WFDC8: variants seen among roughly 807,000 people sequenced by gnomAD.
The protein encoded by WFDC8 is WAP four-disulfide core domain 8.
WFDC8 carries 24 observed loss-of-function variants against 27.0 expected under a neutral mutation model. The observed-to-expected ratio is 0.89, with a 90% CI of 0.64 to 1.25. The LOEUF (loss-of-function observed/expected upper bound fraction) is 1.25, where lower values mean the gene tolerates loss of function less well. Among genes scored for constraint, WFDC8 ranks in the 50% most tolerant of loss-of-function variants. The pLI is 0.00. For synonymous variants in WFDC8, 106 were observed against 99.7 expected, an observed-to-expected ratio of 1.06 and a Z score of -0.38; for missense variants, 287 against 295.9, an observed-to-expected ratio of 0.97 and a Z score of 0.22.
intron 1 of WFDC8, among the ~76,000 whole-genome samples, chr20:45,569,862 A>C (rs1980811243): frequency 6.6e-6 from 1 of 152,240 alleles, no homozygotes; most frequent in Non-Finnish European, 1.5e-5. Context: ...GCCATGAAAA[A>C]GAATGAGATC....
At chr20:45,572,661 C>T (rs1454336246) in intron 1 of WFDC8, among the ~76,000 whole-genome samples, 1 of 152,166 alleles carries the variant, frequency 6.6e-6, no homozygotes, top group Non-Finnish European at 1.5e-5. Context: ...GGCTGGAGTG[C>T]AGTGGTGTGA....
intron 2 of WFDC8, among the ~76,000 whole-genome samples, chr20:45,561,763 T>C (rs990115444): frequency 1.3e-5 from 2 of 151,910 alleles, no homozygotes; most frequent in African/African-American, 4.8e-5. Flanking sequence ...TGTGTGTGTG[T>C]GTGTGTGTGT....
At chr20:45,561,646 GTCTCT>G (rs1171213806) in intron 2 of WFDC8, among the ~76,000 whole-genome samples, 1 of 151,858 alleles carries the variant, frequency 6.6e-6, no homozygotes, top group Non-Finnish European at 1.5e-5. Context: ...CTCACCCCTT[GTCTCT>G]TCTCAACTAC....
chr20:45,553,675 A>G (rs145488567), intron 4 of WFDC8, among the ~76,000 whole-genome samples: 1 of 152,308 alleles, frequency 6.6e-6, no homozygotes, highest in African/African-American at 2.4e-5. Flanking sequence ...TGAAAGGGTC[A>G]TTGTGACTAT....
At chr20:45,559,590 A>G (rs1980391749) in intron 2 of WFDC8, among the ~76,000 whole-genome samples, 1 of 152,236 alleles carries the variant, frequency 6.6e-6, no homozygotes, top group South Asian at 2.1e-4. Context: ...TATATTTTCC[A>G]TCTTTAAAAT....
chr20:45,577,572 G>T (rs1981087779), intron 1 of WFDC8, among the ~76,000 whole-genome samples: 1 of 149,478 alleles, frequency 6.7e-6, no homozygotes, highest in Non-Finnish European at 1.5e-5. Flanking sequence ...CTAATTTTTT[G>T]TATTTTTAGT....
chr20:45,560,853 A>C (rs529094386), intron 2 of WFDC8, among the ~76,000 whole-genome samples: 28 of 152,332 alleles, frequency 1.8e-4, no homozygotes, highest in African/African-American at 6.3e-4. Context: ...CATCAAAATC[A>C]TCTATGCATC....
chr20:45,560,832 T>C (rs1980439932), intron 2 of WFDC8, among the ~76,000 whole-genome samples: 4 of 152,186 alleles, frequency 2.6e-5, no homozygotes, highest in Admixed American at 2.6e-4. Flanking sequence ...TGGTTCCTAA[T>C]TTGGAGTGTA....
Position 45,551,844 on chromosome 20 carries a change from G to T in WFDC8, c.*182C>A. ...GACAAGAAAATAAAGTCATGAAGTT[G>T]AAAAAAAGCCAAATATATCATCACT... On this transcript the variant is annotated 3_prime_UTR_variant, in exon 6 of 6. Coordinates refer to ENST00000289953, the MANE Select transcript of WFDC8 (RefSeq NM_130896.3). 2.7e-6 allele frequency: 2 copies of T among 730,896 alleles called. No homozygotes were observed. Among genetic ancestry groups the T allele is most frequent in the Non-Finnish European group, 4.2e-6 (2 of 477,160 alleles). The allele number at this position is 730,896 out of a possible 1,614,324, so 45.3% of individuals were successfully genotyped here. A position where few individuals can be genotyped will look rare whatever the true frequency, so the allele number is the denominator to read the frequency against.
intron 1 of WFDC8, 129 bp downstream of exon 1, chr20:45,579,093 G>T: frequency 1.2e-6 from 1 of 847,032 alleles, no homozygotes; most frequent in Non-Finnish European, 2.0e-6. Context: ...CTGTTCTGTG[G>T]AACCCCTCCT....
At chr20:45,551,753 A>G, downstream of WFDC8, 1 of 315,036 alleles carries the variant, frequency 3.2e-6, no homozygotes. Flanking sequence ...ATAAGGAACT[A>G]GACAAGGATG....
chr20:45,559,788 C>A (rs1393381849), intron 2 of WFDC8: 1 of 152,328 alleles, frequency 6.6e-6, no homozygotes, highest in Non-Finnish European at 1.5e-5. Context: ...TCCAGTCAGT[C>A]TCCCATCCAA....
At chr20:45,572,396 C>CAAA (rs768958375) in intron 1 of WFDC8, among the ~76,000 whole-genome samples, 34 of 49,334 alleles carry the variant, frequency 6.9e-4, no homozygotes, top group Middle Eastern at 0.011. Flanking sequence ...GAATCCATCT[C>CAAA]AAAAAAAAAA....
At chr20:45,567,320 A>G (rs1165418024) in intron 1 of WFDC8, among the ~76,000 whole-genome samples, 6 of 152,234 alleles carry the variant, frequency 3.9e-5, no homozygotes, top group Admixed American at 2.6e-4. Flanking sequence ...ACACACTCAA[A>G]TAATAAGCCA....
At position 45,555,763 on chromosome 20, in the gene WFDC8, C is replaced by T. The variant is rs1359542148; in HGVS notation, c.383G>A (p.Cys128Tyr). ...TAAGAAGTTGTTGGCATTCCCTTCG[C>T]AGCCCCTGTATTTGAAGGGTGTGCA... is the stretch of plus-strand genomic sequence containing the variant. ...YRCTPFKYRG[C>Y]EGNANNFLNE... is the part of the protein sequence containing the mutation. Residue 128 changes from cysteine (C) to tyrosine (Y), a missense_variant, in exon 4 of 6, where the codon TGC becomes TAC. By Grantham distance (194) the Cys-to-Tyr change is radical. Coordinates refer to ENST00000289953, the MANE Select transcript of WFDC8 (RefSeq NM_130896.3). 3 of 1,613,344 alleles carry T rather than the reference C, an allele frequency of 1.9e-6. No individual in the cohort carries two copies. In the African/African-American group the frequency reaches 4.0e-5, roughly 22 times the overall value.
chr20:45,571,026 T>C (rs1600898578), intron 1 of WFDC8, among the ~76,000 whole-genome samples: 1 of 152,302 alleles, frequency 6.6e-6, no homozygotes, highest in East Asian at 1.9e-4. Flanking sequence ...GGTTCCTTGG[T>C]TTCTGAGCCT....
chr20:45,572,396 C>CAAAAA (rs768958375), intron 1 of WFDC8, among the ~76,000 whole-genome samples: 4 of 49,414 alleles, frequency 8.1e-5, no homozygotes, highest in Admixed American at 2.1e-4. Flanking sequence ...GAATCCATCT[C>CAAAAA]AAAAAAAAAA....
chr20:45,556,574 A>G (rs999415542), intron 3 of WFDC8, among the ~76,000 whole-genome samples: 1 of 152,172 alleles, frequency 6.6e-6, no homozygotes, highest in African/African-American at 2.4e-5. Context: ...GGAAGTTGAC[A>G]ATGACCAACT....
intron 1 of WFDC8, among the ~76,000 whole-genome samples, chr20:45,565,813 T>C (rs1980656788): frequency 6.6e-6 from 1 of 152,170 alleles, no homozygotes; most frequent in Non-Finnish European, 1.5e-5. Context: ...AATTGAAAAA[T>C]GAAGACATTC....
Sources: allele counts gnomAD v4.1 joint callset (sites outside exome capture counted in the v4.1 genomes callset), GRCh38; gene constraint gnomAD v4.1.1; transcripts MANE v1.5; gene names NCBI Gene and HGNC (gene_info 2026-07-23, HGNC 2026-07-21).